The following DLC1 variants were observed in gnomAD, a reference collection of about 807,000 sequenced individuals.
DLC1 encodes the protein rho GTPase-activating protein 7.
DLC1 carries 54 observed loss-of-function variants against 140.3 expected under a neutral mutation model. The observed-to-expected ratio is 0.38, with a 90% CI of 0.31 to 0.48. The LOEUF (loss-of-function observed/expected upper bound fraction) is 0.48, where lower values mean the gene tolerates loss of function less well. DLC1 is among the 20% of genes least tolerant of loss of function. DLC1 has a pLI of 0.96. For synonymous variants in DLC1, 986 were observed against 728.1 expected (o/e 1.35, Z -5.70); for missense variants, 2,536 against 1,907.0 (o/e 1.33, Z -6.14).
At chr8:13,169,969 G>A (rs1289831943) in intron 5 of DLC1, among the ~76,000 whole-genome samples, 1 of 151,978 alleles carries the variant, frequency 6.6e-6, no homozygotes, top group Non-Finnish European at 1.5e-5. Flanking sequence ...GCGGTGAGCT[G>A]TGATCACCCT....
At chr8:13,177,970 G>A (rs1316483410) in intron 5 of DLC1, among the ~76,000 whole-genome samples, 2 of 152,016 alleles carry the variant, frequency 1.3e-5, no homozygotes, top group Admixed American at 1.3e-4. Context: ...CAGATTATAG[G>A]AAATATTTAA....
At chr8:13,158,533 C>G (rs973965825) in intron 5 of DLC1, among the ~76,000 whole-genome samples, 8 of 152,082 alleles carry the variant, frequency 5.3e-5, no homozygotes, top group Admixed American at 1.3e-4. Flanking sequence ...GAAATGCATC[C>G]AGTAATATGT....
intron 1 of DLC1, among the ~76,000 whole-genome samples, chr8:13,539,059 A>G (rs1381733001): frequency 9.9e-5 from 15 of 152,176 alleles, no homozygotes; most frequent in Admixed American, 8.5e-4. Flanking sequence ...AAATCTTTGT[A>G]AAATATTATT....
At chr8:13,420,217 G>T (rs1399007406) in intron 2 of DLC1, among the ~76,000 whole-genome samples, 2 of 152,018 alleles carry the variant, frequency 1.3e-5, no homozygotes, top group African/African-American at 4.8e-5. Context: ...ATTTCCTTGA[G>T]TTCTGCTCAG....
chr8:13,564,596 C>T (rs990670409), intron 1 of DLC1, among the ~76,000 whole-genome samples: 6 of 152,168 alleles, frequency 3.9e-5, no homozygotes, highest in African/African-American at 1.4e-4. Context: ...TTTATGATAT[C>T]TGGGGGGAGA....
intron 2 of DLC1, among the ~76,000 whole-genome samples, chr8:13,476,199 T>C (rs987765070): frequency 9.2e-5 from 14 of 152,234 alleles, no homozygotes; most frequent in Non-Finnish European, 1.6e-4. Context: ...TTAGCATCAC[T>C]CATTGCTTTA....
In DLC1 at chr8:13,085,749, G is replaced by A. The variant is rs940761787; in HGVS notation, c.*62C>T. ...TTAGACACAGAACCCATTCTTCAAG[G>A]ACTGGCAAAAGTTCTAGAAACAAAC... On this transcript the variant is annotated 3_prime_UTR_variant, in exon 18 of 18. Coordinates refer to ENST00000276297, the MANE Select transcript of DLC1 (RefSeq NM_182643.3). 51 of 1,607,128 alleles carry A rather than the reference G, an allele frequency of 3.2e-5. No individual in the cohort carries two copies. The Middle Eastern group carries it at 5.0e-4, about 16-fold the overall frequency.
At chr8:13,589,423 G>C (rs1267545514) in intron 1 of DLC1, among the ~76,000 whole-genome samples, 1 of 152,096 alleles carries the variant, frequency 6.6e-6, no homozygotes, top group Non-Finnish European at 1.5e-5. Context: ...CTTTCTGACA[G>C]CTTTGAGATA....
intron 10 of DLC1, among the ~76,000 whole-genome samples, chr8:13,097,056 T>C (rs1226203221): frequency 6.6e-6 from 1 of 152,152 alleles, no homozygotes; most frequent in East Asian, 1.9e-4. Flanking sequence ...ACATTCTATA[T>C]ACTAAGGAGC....
chr8:13,436,721 A>G (rs1437656973), intron 2 of DLC1, among the ~76,000 whole-genome samples: 1 of 152,262 alleles, frequency 6.6e-6, no homozygotes, highest in African/African-American at 2.4e-5. Context: ...ATCTGGTGCC[A>G]TATAAAAGAT....
chr8:13,274,781 A>G (rs1831093259), intron 5 of DLC1, among the ~76,000 whole-genome samples: 1 of 150,070 alleles, frequency 6.7e-6, no homozygotes, highest in African/African-American at 2.4e-5. Flanking sequence ...CCACAACAAG[A>G]TATTTTTGCA....
chr8:13,427,515 T>G (rs564229754), intron 2 of DLC1, among the ~76,000 whole-genome samples: 1 of 152,330 alleles, frequency 6.6e-6, no homozygotes, highest in African/African-American at 2.4e-5. Flanking sequence ...CCTGGATCTG[T>G]TTCTGTCTCT....
chr8:13,346,481 GC>G (rs1250671865), intron 4 of DLC1, among the ~76,000 whole-genome samples: 4 of 152,152 alleles, frequency 2.6e-5, no homozygotes, highest in African/African-American at 9.7e-5. Flanking sequence ...CTCACAGACG[GC>G]AAAAACTACC....
chr8:13,587,215 A>C (rs1347687874), intron 1 of DLC1, among the ~76,000 whole-genome samples: 2 of 151,978 alleles, frequency 1.3e-5, no homozygotes, highest in Non-Finnish European at 2.9e-5. Context: ...TGGCCATTAG[A>C]TGAACCCCTC....
At chr8:13,447,108 T>C (rs955294906) in intron 2 of DLC1, among the ~76,000 whole-genome samples, 1 of 151,794 alleles carries the variant, frequency 6.6e-6, no homozygotes, top group East Asian at 1.9e-4. Context: ...AAAGCCTTCA[T>C]TGCATTAGCT....
intron 5 of DLC1, among the ~76,000 whole-genome samples, chr8:13,300,095 C>T (rs1237461540): frequency 4.6e-5 from 7 of 152,036 alleles, no homozygotes; most frequent in Non-Finnish European, 7.4e-5. Flanking sequence ...TGGAATACAA[C>T]GCAGCCAAAA....
intron 5 of DLC1, among the ~76,000 whole-genome samples, chr8:13,201,322 GTAA>G (rs1367482149): frequency 3.9e-5 from 6 of 152,048 alleles, no homozygotes; most frequent in African/African-American, 1.4e-4. Context: ...TTTTTTGCAT[GTAA>G]TAATAAAAAT....
At chr8:13,250,432 T>A (rs1018120592) in intron 5 of DLC1, among the ~76,000 whole-genome samples, 20 of 152,196 alleles carry the variant, frequency 1.3e-4, no homozygotes, top group Non-Finnish European at 2.2e-4. Flanking sequence ...TGTCCTAGAC[T>A]GATAAAATTT....
intron 1 of DLC1, among the ~76,000 whole-genome samples, chr8:13,561,504 T>C (rs1479040625): frequency 6.6e-6 from 1 of 152,188 alleles, no homozygotes; most frequent in Non-Finnish European, 1.5e-5. Context: ...CTTAAACTTA[T>C]TTTTTTAATG....
Sources: allele counts gnomAD v4.1 joint callset (sites outside exome capture counted in the v4.1 genomes callset), GRCh38; gene constraint gnomAD v4.1.1; transcripts MANE v1.5; gene names NCBI Gene and HGNC (gene_info 2026-07-23, HGNC 2026-07-21).